Variants in AMPH observed in about 807,000 individuals in gnomAD.
AMPH encodes the protein amphiphysin, also known as amphiphysin (Stiff-Mann syndrome with breast cancer 128kD autoantigen).
Under a neutral mutation model 99.1 loss-of-function variants are expected in AMPH, and 49 were observed. That is an observed-to-expected ratio of 0.49 (90% CI 0.39 to 0.63). The LOEUF (loss-of-function observed/expected upper bound fraction) is 0.63, where lower values mean the gene tolerates loss of function less well. Among genes scored for constraint, AMPH ranks in the 20% least tolerant of loss-of-function variants. AMPH has a pLI of 0.00. For synonymous variants in AMPH, 314 were observed against 317.3 expected (o/e 0.99, Z 0.11); for missense variants, 759 against 863.4 (o/e 0.88, Z 1.52).
At chr7:38,507,523 G>T (rs574948843) in intron 2 of AMPH, among the ~76,000 whole-genome samples, 1 of 152,216 alleles carries the variant, frequency 6.6e-6, no homozygotes, top group East Asian at 1.9e-4. Flanking sequence ...AAAACTTATT[G>T]CACAATAAAA....
intron 5 of AMPH, among the ~76,000 whole-genome samples, chr7:38,478,219 C>T (rs1425388984): frequency 6.6e-6 from 1 of 152,028 alleles, no homozygotes; most frequent in East Asian, 1.9e-4. Context: ...TCTCTACAGG[C>T]ATACAAAGAC....
At position 38,488,193 on chromosome 7, in the gene AMPH, T is replaced by G. The variant is rs961845524; in HGVS notation, c.396+2857A>C. ...TACTGGGTATATACCCAAAGGATTA[T>G]AACTCATTCTACAATAAAGACACAT... On this transcript the variant is annotated intron_variant, in intron 5 of 20. Coordinates refer to ENST00000356264, the MANE Select transcript of AMPH (RefSeq NM_001635.4). 1.3e-5 allele frequency among the ~76,000 whole-genome samples: 2 copies of G among 152,346 alleles called. 1 individual carries two copies. The highest frequency in any genetic ancestry group is 4.1e-4 in the South Asian group (2 of 4,826).
chr7:38,631,261 G>T (rs1246517401), intron 1 of AMPH, 22 bp downstream of exon 1: 1 of 1,513,062 alleles, frequency 6.6e-7, no homozygotes. Context: ...CCCGGCCCCA[G>T]CCCCGGCCGC....
At chr7:38,576,258 C>G (rs1040565159) in intron 1 of AMPH, among the ~76,000 whole-genome samples, 1 of 152,136 alleles carries the variant, frequency 6.6e-6, no homozygotes, top group African/African-American at 2.4e-5. Flanking sequence ...AATGAACAAA[C>G]AAAACAAAAC....
chr7:38,446,080 A>G (rs927423537), intron 11 of AMPH, among the ~76,000 whole-genome samples: 2 of 152,212 alleles, frequency 1.3e-5, no homozygotes, highest in Admixed American at 6.5e-5. Flanking sequence ...CCATAAGCCA[A>G]TTAAATCTCT....
intron 15 of AMPH, among the ~76,000 whole-genome samples, chr7:38,424,965 G>A (rs535391407): frequency 4.6e-4 from 70 of 152,278 alleles, no homozygotes; most frequent in Non-Finnish European, 8.8e-4. Flanking sequence ...TGAGTGGAGC[G>A]ATGGCTGTAA....
intron 17 of AMPH, among the ~76,000 whole-genome samples, chr7:38,401,477 T>C (rs1784838859): frequency 6.6e-6 from 1 of 152,230 alleles, no homozygotes; most frequent in African/African-American, 2.4e-5. Context: ...CATAAAATGC[T>C]TTTTAGGAAT....
chr7:38,541,931 G>A (rs1019322865), intron 1 of AMPH, among the ~76,000 whole-genome samples: 4 of 152,162 alleles, frequency 2.6e-5, no homozygotes, highest in Admixed American at 6.5e-5. Context: ...GTAAGCACCT[G>A]CCAAGGCTGC....
chr7:38,534,791 C>A (rs7785111), intron 2 of AMPH, 140 bp downstream of exon 2: 581,660 of 693,296 alleles, frequency 0.84, 244,682 homozygotes, highest in South Asian at 0.89. Context: ...AGGAAATTCT[C>A]CAGAATTAGC....
At chr7:38,464,862 C>G (rs927706845) in intron 9 of AMPH, among the ~76,000 whole-genome samples, 1 of 152,148 alleles carries the variant, frequency 6.6e-6, no homozygotes, top group African/African-American at 2.4e-5. Context: ...CTGGAGAAAG[C>G]TGGTGTGCAG....
At chr7:38,392,313 T>C (rs1424987788) in intron 18 of AMPH, among the ~76,000 whole-genome samples, 1 of 150,026 alleles carries the variant, frequency 6.7e-6, no homozygotes, top group Non-Finnish European at 1.5e-5. Flanking sequence ...GACAGAGTCT[T>C]GAAGGGTGAG....
intron 1 of AMPH, among the ~76,000 whole-genome samples, chr7:38,614,689 G>A (rs1392357788): frequency 6.6e-6 from 1 of 150,718 alleles, no homozygotes; most frequent in African/African-American, 2.5e-5. Flanking sequence ...AATTAACTCA[G>A]ATACTCAAGC....
chr7:38,409,527 G>C (rs1785153954), intron 17 of AMPH, among the ~76,000 whole-genome samples: 1 of 152,186 alleles, frequency 6.6e-6, no homozygotes, highest in Non-Finnish European at 1.5e-5. Context: ...GTCCCTAGTA[G>C]CGTTCCTTTC....
At chr7:38,615,224 A>G (rs559841178) in intron 1 of AMPH, among the ~76,000 whole-genome samples, 35 of 152,294 alleles carry the variant, frequency 2.3e-4, no homozygotes, top group African/African-American at 7.5e-4. Context: ...CATCTGTAAG[A>G]TAGGGATAAT....
intron 1 of AMPH, among the ~76,000 whole-genome samples, chr7:38,615,007 G>A (rs1793827544): frequency 6.6e-6 from 1 of 152,108 alleles, no homozygotes. Context: ...ACCTTTTCAG[G>A]TGCCAGACCA....
chr7:38,504,334 C>G (rs965475017), intron 2 of AMPH, among the ~76,000 whole-genome samples: 1 of 152,066 alleles, frequency 6.6e-6, no homozygotes, highest in Admixed American at 6.6e-5. Context: ...AATAGAGAAA[C>G]TGTTAAATTG....
intron 5 of AMPH, among the ~76,000 whole-genome samples, chr7:38,485,720 A>C (rs554042016): frequency 6.6e-6 from 1 of 152,054 alleles, no homozygotes; most frequent in East Asian, 1.9e-4. Context: ...GAAAGTATGA[A>C]GGGTCACAAA....
chr7:38,627,654 CAAAAA>C (rs34354956), intron 1 of AMPH, among the ~76,000 whole-genome samples: 1 of 97,034 alleles, frequency 1.0e-5, no homozygotes. Context: ...GACTCTGTCT[CAAAAA>C]AAAAAAAAAA....
At chr7:38,483,946 A>T (rs1388866981) in intron 5 of AMPH, among the ~76,000 whole-genome samples, 2 of 152,094 alleles carry the variant, frequency 1.3e-5, no homozygotes, top group Non-Finnish European at 2.9e-5. Flanking sequence ...CAGAAATGAC[A>T]GAACTGAAAA....
Sources: gnomAD v4.1 joint callset for allele counts (sites outside exome capture counted in the v4.1 genomes callset) on GRCh38, gnomAD v4.1.1 for gene constraint, MANE v1.5 for transcripts, NCBI Gene and HGNC (gene_info 2026-07-23, HGNC 2026-07-21) for gene names.